The following DERA variants were observed in gnomAD, a reference collection of about 807,000 sequenced individuals.
DERA encodes the protein deoxyribose-phosphate aldolase, also known as 2-deoxy-D-ribose 5-phosphate aldolase.
DERA carries 15 observed loss-of-function variants against 41.1 expected under a neutral mutation model. That is an observed-to-expected ratio of 0.37 (90% CI 0.24 to 0.56). The LOEUF is 0.56. DERA is among the 20% of genes least tolerant of loss of function. The probability of loss-of-function intolerance (pLI) is 0.81; values close to 1 mark genes in which losing one functional copy is unlikely to be tolerated. For missense variants in DERA, 396 were observed against 403.4 expected, an observed-to-expected ratio of 0.98 and a Z score of 0.16; for synonymous variants, 139 against 137.4, an observed-to-expected ratio of 1.01 and a Z score of -0.08.
chr12:16,006,874 G>T (rs1948914225), intron 6 of DERA, among the ~76,000 whole-genome samples: 1 of 152,174 alleles, frequency 6.6e-6, no homozygotes, highest in Non-Finnish European at 1.5e-5. Context: ...TCCTTCTTTG[G>T]TTACTTTAGG....
At position 16,035,424 on chromosome 12, in the gene DERA, A is replaced by G. The variant is rs904197919; in HGVS notation, c.751-808A>G. Among the ~76,000 whole-genome samples the G allele has an allele frequency of 6.6e-6, 1 of 152,180 alleles. No homozygotes were observed. The highest frequency in any genetic ancestry group is 2.4e-5 in the African/African-American group (1 of 41,442). ...CTACCATCTACAGATTCCCAACTCTACTGGATAGTCAGGTTCCTGAAACAT... is the reference window on the plus strand; with the variant it reads ...CTACCATCTACAGATTCCCAACTCTGCTGGATAGTCAGGTTCCTGAAACAT... On this transcript the variant is annotated intron_variant, in intron 7 of 8. Transcript: ENST00000428559. This position sits in a 1 kb window ranked among gnomAD's most constrained non-coding sequence, Gnocchi z 4.1.
rs559549045 is a variant in DERA at position 15,911,474 on chromosome 12, G to T, written c.31+60G>T. 14 of 1,392,212 alleles carry T rather than the reference G, an allele frequency of 1.0e-5. No individual in the cohort carries two copies. Among genetic ancestry groups the T allele is most frequent in the Non-Finnish European group, 1.2e-5 (13 of 1,068,102 alleles). 86.2% of individuals were successfully genotyped at this position (1,392,212 alleles called of 1,614,324 possible). On this transcript the variant is annotated intron_variant, in intron 1 of 8. Coordinates refer to ENST00000428559, the MANE Select transcript of DERA (RefSeq NM_015954.4). The surrounding 1 kb of genome is among the most constrained non-coding windows in gnomAD (Gnocchi z 4.5). ...CTCGCGTTCAGCGCCGCCGGGACTA[G>T]CGCGGGGCCTGCTGCCGCCCAGTGC...
At chr12:15,952,044 G>C (rs987715424) in intron 1 of DERA, among the ~76,000 whole-genome samples, 3 of 152,050 alleles carry the variant, frequency 2.0e-5, no homozygotes, top group Non-Finnish European at 2.9e-5. Context: ...GAGACTACAG[G>C]CTTGCACCAC....
At chr12:16,025,884 C>G (rs971479982) in intron 6 of DERA, among the ~76,000 whole-genome samples, 2 of 152,040 alleles carry the variant, frequency 1.3e-5, no homozygotes, top group Non-Finnish European at 2.9e-5. Context: ...AGCTAGAATT[C>G]AATAGCAGAA....
chr12:16,013,242 T>C lies in DERA; in HGVS notation c.638-19300T>C, dbSNP rs1458921633. On this transcript the variant is annotated intron_variant, in intron 6 of 8. Transcript: ENST00000428559. This position sits in a 1 kb window ranked among gnomAD's most constrained non-coding sequence, Gnocchi z 5.8. The stretch of plus-strand genomic sequence containing the variant: ...AGTAATGCTTAGTTTAATGTGTGAC[T>C]GCACATGCTGTTCATTTGTGATATG... Among the ~76,000 whole-genome samples, 1 of 152,236 alleles carries C rather than the reference T, an allele frequency of 6.6e-6. No homozygotes were observed. The highest frequency in any genetic ancestry group is 1.5e-5 in the Non-Finnish European group (1 of 68,034).
intron 1 of DERA, among the ~76,000 whole-genome samples, chr12:15,945,907 C>G (rs1283263814): frequency 1.3e-5 from 2 of 152,164 alleles, no homozygotes; most frequent in African/African-American, 4.8e-5. Flanking sequence ...TATGTCCCAT[C>G]AATACCTAAT....
rs1185384382 is a variant in DERA, at chr12:15,959,159, G to A, written c.278-670G>A. On this transcript the variant is annotated intron_variant, in intron 3 of 8. Transcript: ENST00000428559. This position sits in a 1 kb window ranked among gnomAD's most constrained non-coding sequence, Gnocchi z 4.5. ...AACATACAAACCTAAACAACTCTAC[G>A]GCTTTTGAAAAGTATTTATTATGTT... is the stretch of plus-strand genomic sequence containing the variant. Among the ~76,000 whole-genome samples, 1 of 151,960 alleles carries A rather than the reference G, an allele frequency of 6.6e-6. No individual in the cohort carries two copies. Among genetic ancestry groups the A allele is most frequent in the Non-Finnish European group, 1.5e-5 (1 of 67,998 alleles).
chr12:15,968,972 A>G lies in DERA; in HGVS notation c.508+6025A>G, dbSNP rs546214638. On this transcript the variant is annotated intron_variant, in intron 5 of 8. Coordinates refer to ENST00000428559, the MANE Select transcript of DERA (RefSeq NM_015954.4). ...ACTTCACTTCTCTCTGCTTCCATGTAAATGTTACAAATGAGGGGCTAGGAC... is the reference window on the plus strand; with the variant it reads ...ACTTCACTTCTCTCTGCTTCCATGTGAATGTTACAAATGAGGGGCTAGGAC... 4.7e-4 allele frequency among the ~76,000 whole-genome samples: 72 copies of G among 152,332 alleles called. 1 individual carries two copies. In the South Asian group the frequency reaches 0.015, roughly 31 times the overall value.
chr12:15,949,776 G>A (rs910377852), intron 1 of DERA, among the ~76,000 whole-genome samples: 13 of 152,162 alleles, frequency 8.5e-5, no homozygotes, highest in Admixed American at 2.6e-4. Context: ...GAAATCACCC[G>A]TCTTCTGCGT....
Position 16,010,903 on chromosome 12 carries a change from GA to G in DERA, c.638-21631del, listed in dbSNP as rs929397536. On this transcript the variant is annotated intron_variant, in intron 6 of 8. Coordinates refer to ENST00000428559, the MANE Select transcript of DERA (RefSeq NM_015954.4). The surrounding 1 kb of genome is among the most constrained non-coding windows in gnomAD (Gnocchi z 5.5). ...CTCTACCCACTTATCATCAATTGTTGAAAAAAAAGATTTATGATGACATTGA... is the reference window on the plus strand; with the variant it reads ...CTCTACCCACTTATCATCAATTGTTGAAAAAAAGATTTATGATGACATTGA... Among the ~76,000 whole-genome samples the G allele has an allele frequency of 2.7e-5, 4 of 146,210 alleles. No homozygotes were observed. The highest frequency in any genetic ancestry group is 2.0e-4 in the Admixed American group (3 of 15,036).
At position 15,938,713 on chromosome 12, in the gene DERA, A is replaced by G. The variant is rs1209631455; in HGVS notation, c.32-18223A>G. On this transcript the variant is annotated intron_variant, in intron 1 of 8. Transcript: ENST00000428559. This position sits in a 1 kb window ranked among gnomAD's most constrained non-coding sequence, Gnocchi z 4.1. ...AATTGAAATGTGTAAATATTTTACC[A>G]GAAATGTTTTCACAGCTAATATATT... 1.3e-5 allele frequency among the ~76,000 whole-genome samples: 2 copies of G among 152,222 alleles called. No homozygotes were observed. Among genetic ancestry groups the G allele is most frequent in the Non-Finnish European group, 2.9e-5 (2 of 68,040 alleles).
At position 16,004,084 on chromosome 12, in the gene DERA, T is replaced by C. The variant is rs1948893730; in HGVS notation, c.637+21648T>C. Among the ~76,000 whole-genome samples the C allele has an allele frequency of 6.6e-6, 1 of 152,236 alleles. No homozygotes were observed. The highest frequency in any genetic ancestry group is 2.4e-5 in the African/African-American group (1 of 41,468). On this transcript the variant is annotated intron_variant, in intron 6 of 8. Transcript: ENST00000428559. The surrounding 1 kb of genome is among the most constrained non-coding windows in gnomAD (Gnocchi z 4.2). ...TGAAATCTGGAAAAGTACATTCTGA[T>C]TTCCAGCCGGCTGTGAATTTACAAA...
In DERA at chr12:16,009,159, T is replaced by G. The variant is rs1948931695; in HGVS notation, c.638-23383T>G. 6.6e-6 allele frequency among the ~76,000 whole-genome samples: 1 copy of G among 152,222 alleles called. No homozygotes were observed. The highest frequency in any genetic ancestry group is 2.4e-5 in the African/African-American group (1 of 41,454). Reference sequence around the variant, plus strand: ...CTTAGTAATTTTCAGAAAGGGAGACTTATTCTGTTCCTCCTCCTTCTCTTA... The same window carrying G: ...CTTAGTAATTTTCAGAAAGGGAGACGTATTCTGTTCCTCCTCCTTCTCTTA... On this transcript the variant is annotated intron_variant, in intron 6 of 8. Coordinates refer to ENST00000428559, the MANE Select transcript of DERA (RefSeq NM_015954.4). This position sits in a 1 kb window ranked among gnomAD's most constrained non-coding sequence, Gnocchi z 5.3.
At chr12:15,971,609 C>T (rs1037770345) in intron 5 of DERA, among the ~76,000 whole-genome samples, 1 of 149,786 alleles carries the variant, frequency 6.7e-6, no homozygotes, top group Admixed American at 6.7e-5. Flanking sequence ...CTCTGCCTCC[C>T]AGGTTCAAGA....
chr12:16,002,911 GA>G (rs1395120465), intron 6 of DERA, among the ~76,000 whole-genome samples: 1 of 152,156 alleles, frequency 6.6e-6, no homozygotes, highest in African/African-American at 2.4e-5. Context: ...CTGGAGAGTT[GA>G]TTTTGGATTC....
chr12:16,023,858 TTAAAA>T (rs1949035951), intron 6 of DERA, among the ~76,000 whole-genome samples: 1 of 152,132 alleles, frequency 6.6e-6, no homozygotes, highest in African/African-American at 2.4e-5. Context: ...GACAGAGAAT[TTAAAA>T]TAACTATGAC....
In DERA at chr12:15,935,806, C is replaced by T. The variant is rs996525294; in HGVS notation, c.32-21130C>T. On this transcript the variant is annotated intron_variant, in intron 1 of 8. Transcript: ENST00000428559. This position sits in a 1 kb window ranked among gnomAD's most constrained non-coding sequence, Gnocchi z 4.8. ...AAGCATTTATTATCTCACAACATTTCTCTGGGTCAAAAATTTGAGAATGGC... is the reference window on the plus strand; with the variant it reads ...AAGCATTTATTATCTCACAACATTTTTCTGGGTCAAAAATTTGAGAATGGC... Among the ~76,000 whole-genome samples the T allele has an allele frequency of 2.6e-5, 4 of 152,174 alleles. No homozygotes were observed. The highest frequency in any genetic ancestry group is 4.8e-5 in the African/African-American group (2 of 41,456).
At chr12:15,964,680 T>C (rs1416287007) in intron 5 of DERA, among the ~76,000 whole-genome samples, 1 of 152,264 alleles carries the variant, frequency 6.6e-6, no homozygotes. Context: ...TTTAGTTGTA[T>C]ACAAACCTAT....
rs1277916440 is a variant in DERA at position 15,992,544 on chromosome 12, G to C, written c.637+10108G>C. The stretch of plus-strand genomic sequence containing the variant: ...CTTCCATGTACATTAGTGGAAATGT[G>C]GTAAGGGAAGTACAAATACAGGAGG... On this transcript the variant is annotated intron_variant, in intron 6 of 8. Transcript: ENST00000428559. This position sits in a 1 kb window ranked among gnomAD's most constrained non-coding sequence, Gnocchi z 4.3. 2.0e-5 allele frequency among the ~76,000 whole-genome samples: 3 copies of C among 152,060 alleles called. No individual in the cohort carries two copies. Among genetic ancestry groups the C allele is most frequent in the Non-Finnish European group, 2.9e-5 (2 of 67,986 alleles).
Sources: gnomAD v4.1 joint callset for allele counts (sites outside exome capture counted in the v4.1 genomes callset) on GRCh38, gnomAD v4.1.1 for gene constraint, Gnocchi (gnomAD v3.1) non-coding constraint, MANE v1.5 for transcripts, NCBI Gene and HGNC (gene_info 2026-07-23, HGNC 2026-07-21) for gene names.